Variants in PHEX observed in about 807,000 individuals in gnomAD.
PHEX encodes the protein phosphate regulating endopeptidase X-linked.
In PHEX, 16 loss-of-function variants were observed where a neutral mutation model predicts 68.0. The observed-to-expected ratio is 0.24, with a 90% CI of 0.16 to 0.36. The LOEUF is 0.36. PHEX is among the 10% of genes least tolerant of loss of function. PHEX has a pLI of 1.00. For missense variants in PHEX, 480 were observed against 575.5 expected (o/e 0.83, Z 1.70); for synonymous variants, 208 against 205.1 (o/e 1.01, Z -0.12).
At chrX:22,137,936 C>G (rs1932299381) in intron 12 of PHEX, among the ~76,000 whole-genome samples, 1 of 111,999 alleles carries the variant, frequency 8.9e-6, no homozygotes, top group African/African-American at 3.2e-5. Flanking sequence ...AGTCCTCACC[C>G]AACAGTTGAT....
rs984145938 is a variant in PHEX, at chrX:22,248,412, T to C, written c.*459T>C. On this transcript the variant is annotated 3_prime_UTR_variant, in exon 22 of 22. Coordinates refer to ENST00000379374, the MANE Select transcript of PHEX (RefSeq NM_000444.6). Reference sequence around the variant, plus strand: ...TGGGAGGGCTTGCTGCTCTGTGGAATGCAGTGCACGTTTTTATGGACAGTA... The same window carrying C: ...TGGGAGGGCTTGCTGCTCTGTGGAACGCAGTGCACGTTTTTATGGACAGTA... 7.2e-6 allele frequency: 1 copy of C among 138,119 alleles called. No individual in the cohort carries two copies. Among genetic ancestry groups the C allele is most frequent in the African/African-American group, 3.1e-5 (1 of 32,038 alleles). 11.4% of individuals were successfully genotyped at this position (138,119 alleles called of 1,213,427 possible).
At chrX:22,123,747 A>C (rs1432586683) in intron 11 of PHEX, among the ~76,000 whole-genome samples, 1 of 110,599 alleles carries the variant, frequency 9.0e-6, no homozygotes, top group Non-Finnish European at 1.9e-5. Flanking sequence ...AACCCACCCT[A>C]TCATTTAACG....
intron 15 of PHEX, among the ~76,000 whole-genome samples, chrX:22,191,171 C>A (rs1047360797): frequency 9.0e-6 from 1 of 110,874 alleles, no homozygotes; most frequent in Non-Finnish European, 1.9e-5. Context: ...AGGTGTGCAC[C>A]ACCACGCCCA....
At chrX:22,237,514 C>T (rs1315156216) in intron 20 of PHEX, among the ~76,000 whole-genome samples, 8 of 111,584 alleles carry the variant, frequency 7.2e-5, no homozygotes, top group Non-Finnish European at 1.1e-4. Flanking sequence ...GAGAACCTTC[C>T]TGGTATCTAT....
chrX:22,186,954 A>G (rs761663177), intron 14 of PHEX, among the ~76,000 whole-genome samples: 1 of 111,988 alleles, frequency 8.9e-6, no homozygotes, highest in South Asian at 3.7e-4. Flanking sequence ...TATCTTTTGT[A>G]TGTATTATGA....
intron 20 of PHEX, among the ~76,000 whole-genome samples, chrX:22,232,817 G>T (rs1409210643): frequency 9.2e-6 from 1 of 109,160 alleles, no homozygotes; most frequent in Non-Finnish European, 1.9e-5. Context: ...ATATTGTTAC[G>T]TGTGAATTTG....
intron 3 of PHEX, among the ~76,000 whole-genome samples, chrX:22,064,499 A>G (rs894370617): frequency 1.8e-5 from 2 of 111,690 alleles, no homozygotes; most frequent in Non-Finnish European, 3.8e-5. Context: ...TTATGGCTGC[A>G]TAGTATTCCG....
At chrX:22,138,915 G>A (rs1200732956) in intron 12 of PHEX, among the ~76,000 whole-genome samples, 1 of 111,248 alleles carries the variant, frequency 9.0e-6, no homozygotes, top group Non-Finnish European at 1.9e-5. Flanking sequence ...CCTTCTCTTT[G>A]GCTCTATGTC....
Position 22,226,511 on chromosome X carries a change from A to G in PHEX, c.1965+3A>G. ...GAGGCCTGCGGGAAGCTTTTAGGGTATGCGCTGCTACATTTACCGTGGTTC... is the reference window on the plus strand; with the variant it reads ...GAGGCCTGCGGGAAGCTTTTAGGGTGTGCGCTGCTACATTTACCGTGGTTC... On this transcript the variant is annotated splice_donor_region_variant and intron_variant, in intron 19 of 21. Transcript: ENST00000379374. 8.4e-7 allele frequency: 1 copy of G among 1,189,592 alleles called. No homozygotes were observed. The highest frequency in any genetic ancestry group is 1.1e-6 in the Non-Finnish European group (1 of 876,526).
At chrX:22,181,368 C>T (rs1933877517) in intron 14 of PHEX, among the ~76,000 whole-genome samples, 1 of 111,864 alleles carries the variant, frequency 8.9e-6, no homozygotes, top group African/African-American at 3.2e-5. Flanking sequence ...ATGTTGTGCA[C>T]CTTTTCATAT....
intron 12 of PHEX, among the ~76,000 whole-genome samples, chrX:22,161,123 G>A (rs1463956903): frequency 1.9e-5 from 2 of 106,950 alleles, no homozygotes; most frequent in African/African-American, 7.1e-5. Context: ...TTGACAGAGC[G>A]AGGCTCCACC....
chrX:22,209,163 G>T (rs1342938087), intron 15 of PHEX, among the ~76,000 whole-genome samples: 1 of 111,129 alleles, frequency 9.0e-6, no homozygotes, highest in Non-Finnish European at 1.9e-5. Context: ...GGCTCCTGCC[G>T]CACGTGGTGA....
At chrX:22,130,548 C>CAAAAA (rs35621431) in intron 11 of PHEX, among the ~76,000 whole-genome samples, 2 of 30,184 alleles carry the variant, frequency 6.6e-5, no homozygotes, top group East Asian at 9.5e-4. Context: ...GACTCATTCT[C>CAAAAA]AAAAAAAAAA....
At chrX:22,098,931 A>G (rs1930285853) in intron 8 of PHEX, 75 bp from the exon 9 acceptor site, 15 of 938,428 alleles carry the variant, frequency 1.6e-5, no homozygotes, top group Non-Finnish European at 2.1e-5. Flanking sequence ...ATGATGCTCA[A>G]TCTACTCTAT....
At chrX:22,037,904 G>T (rs886068264) in intron 1 of PHEX, among the ~76,000 whole-genome samples, 4 of 111,655 alleles carry the variant, frequency 3.6e-5, no homozygotes, top group Non-Finnish European at 5.6e-5. Flanking sequence ...ACTCTGATTG[G>T]CTCCAAATGA....
At chrX:22,041,957 GA>G (rs1261170550) in intron 2 of PHEX, among the ~76,000 whole-genome samples, 2 of 110,726 alleles carry the variant, frequency 1.8e-5, no homozygotes, top group Admixed American at 9.7e-5. Context: ...TTCTAATGTT[GA>G]AAAAAAATAT....
At chrX:22,076,746 G>A (rs922554151) in intron 4 of PHEX, among the ~76,000 whole-genome samples, 4 of 112,054 alleles carry the variant, frequency 3.6e-5, no homozygotes, top group Non-Finnish European at 7.5e-5. Flanking sequence ...AGTCAGCAGG[G>A]CAAACTCCAC....
intron 11 of PHEX, among the ~76,000 whole-genome samples, chrX:22,130,023 A>T (rs1931916445): frequency 9.0e-6 from 1 of 111,529 alleles, no homozygotes; most frequent in Non-Finnish European, 1.9e-5. Flanking sequence ...GTGTTTGCCA[A>T]TATCTTTCTG....
chrX:22,049,666 G>C (rs1357600499), intron 3 of PHEX, among the ~76,000 whole-genome samples: 1 of 109,292 alleles, frequency 9.1e-6, no homozygotes, highest in Non-Finnish European at 1.9e-5. Flanking sequence ...GAGGTCACGA[G>C]TTCAAGACCA....
Sources: gnomAD v4.1 joint callset for allele counts (sites outside exome capture counted in the v4.1 genomes callset) on GRCh38, gnomAD v4.1.1 for gene constraint, MANE v1.5 for transcripts, NCBI Gene and HGNC (gene_info 2026-07-23, HGNC 2026-07-21) for gene names.